ASIC2: variants seen among roughly 807,000 people sequenced by gnomAD.
ASIC2 encodes acid-sensing ion channel 2.
In ASIC2, 25 loss-of-function variants were observed where a neutral mutation model predicts 57.3. That is an observed-to-expected ratio of 0.44 (90% CI 0.32 to 0.61). ASIC2 has a LOEUF of 0.61. ASIC2 is among the 20% of genes least tolerant of loss of function. The pLI, the probability that ASIC2 is intolerant of heterozygous loss-of-function variation, is 0.06. For synonymous variants in ASIC2, 319 were observed against 307.5 expected (o/e 1.04, Z -0.39); for missense variants, 641 against 738.1 (o/e 0.87, Z 1.52).
intron 1 of ASIC2, among the ~76,000 whole-genome samples, chr17:34,008,842 C>T (rs1906616458): frequency 6.6e-6 from 1 of 152,198 alleles, no homozygotes; most frequent in African/African-American, 2.4e-5. Context: ...TTGCAGAGAA[C>T]ATGTGCATTT....
chr17:33,711,734 T>C (rs1909043390), intron 1 of ASIC2, among the ~76,000 whole-genome samples: 1 of 152,060 alleles, frequency 6.6e-6, no homozygotes, highest in Non-Finnish European at 1.5e-5. Flanking sequence ...TTATGAGAAC[T>C]CACTCACTGT....
intron 1 of ASIC2, among the ~76,000 whole-genome samples, chr17:33,999,405 T>C (rs985079705): frequency 6.6e-6 from 1 of 152,208 alleles, no homozygotes; most frequent in African/African-American, 2.4e-5. Flanking sequence ...ATTTTGTTAA[T>C]TGATTTCTGA....
chr17:33,018,625 G>A (rs2091820138), intron 7 of ASIC2, among the ~76,000 whole-genome samples: 1 of 152,232 alleles, frequency 6.6e-6, no homozygotes, highest in South Asian at 2.1e-4. Context: ...AGAGCCGAGG[G>A]CTCTGAGGCT....
intron 1 of ASIC2, among the ~76,000 whole-genome samples, chr17:33,114,202 G>A (rs1397701566): frequency 6.6e-6 from 1 of 152,196 alleles, no homozygotes; most frequent in Non-Finnish European, 1.5e-5. Context: ...AGAACAGCTG[G>A]AATTAATGCA....
chr17:33,277,962 C>A (rs922191397), intron 1 of ASIC2, among the ~76,000 whole-genome samples: 4 of 152,128 alleles, frequency 2.6e-5, no homozygotes, highest in African/African-American at 7.2e-5. Flanking sequence ...AAAGAACAAG[C>A]GAATGAGTGA....
At chr17:34,096,331 T>G (rs1910545836) in intron 1 of ASIC2, among the ~76,000 whole-genome samples, 1 of 151,980 alleles carries the variant, frequency 6.6e-6, no homozygotes, top group African/African-American at 2.4e-5. Flanking sequence ...GGTTATAAGG[T>G]GAGAGTTCAG....
intron 1 of ASIC2, among the ~76,000 whole-genome samples, chr17:34,057,524 T>G (rs1480458274): frequency 6.6e-6 from 1 of 152,068 alleles, no homozygotes; most frequent in Non-Finnish European, 1.5e-5. Context: ...GGAGCTTTAG[T>G]AGGAGGACGG....
chr17:33,086,734 A>G (rs2092135211), intron 3 of ASIC2, among the ~76,000 whole-genome samples: 1 of 152,116 alleles, frequency 6.6e-6, no homozygotes, highest in Non-Finnish European at 1.5e-5. Context: ...GAGGCTGCCA[A>G]GAGAATTTAC....
intron 1 of ASIC2, among the ~76,000 whole-genome samples, chr17:34,019,986 A>T (rs1907099982): frequency 6.6e-6 from 1 of 151,748 alleles, no homozygotes; most frequent in Non-Finnish European, 1.5e-5. Context: ...AGCTACAAGG[A>T]CTCTTGAGGC....
chr17:33,973,370 C>T (rs1446036437), intron 1 of ASIC2, among the ~76,000 whole-genome samples: 1 of 152,200 alleles, frequency 6.6e-6, no homozygotes, highest in Non-Finnish European at 1.5e-5. Context: ...CGGAGGCAAG[C>T]TGCCATTGTT....
intron 1 of ASIC2, among the ~76,000 whole-genome samples, chr17:33,789,505 T>C (rs1383937327): frequency 8.6e-6 from 1 of 116,906 alleles, no homozygotes; most frequent in South Asian, 3.0e-4. Flanking sequence ...CACACACACG[T>C]GCAGCATTTC....
chr17:33,973,995 C>A (rs80321262), intron 1 of ASIC2, among the ~76,000 whole-genome samples: 4 of 152,290 alleles, frequency 2.6e-5, no homozygotes, highest in Non-Finnish European at 5.9e-5. Context: ...GATTTTCCAC[C>A]TTCTACTCTG....
In ASIC2 at chr17:33,233,557, CAT is replaced by C. The variant is rs1200778702; in HGVS notation, c.708+57849_708+57850del. On this transcript the variant is annotated intron_variant, in intron 1 of 9. Transcript: ENST00000225823. ...ACACACACACACACACACACACACA[CAT>C]GGCATAAGCAGCCATTCAGGTATTC... 4.9e-4 allele frequency among the ~76,000 whole-genome samples: 68 copies of C among 139,242 alleles called. No individual in the cohort carries two copies. In the East Asian group the frequency reaches 7.9e-3, roughly 16 times the overall value. 91.3% of individuals were successfully genotyped at this position (139,242 alleles called of 152,430 possible). A position where few individuals can be genotyped will look rare whatever the true frequency, so the allele number is the denominator to read the frequency against.
At chr17:33,891,405 A>ATT (rs780558115) in intron 1 of ASIC2, among the ~76,000 whole-genome samples, 1 of 152,136 alleles carries the variant, frequency 6.6e-6, no homozygotes, top group Non-Finnish European at 1.5e-5. Context: ...CTTTTACTAA[A>ATT]TTATACTTGG....
intron 1 of ASIC2, chr17:34,070,184 C>T (rs1277857999): frequency 2.0e-5 from 3 of 152,078 alleles, no homozygotes; most frequent in Non-Finnish European, 4.4e-5. Flanking sequence ...CTAAGTTAAG[C>T]TGGTGCACGA....
intron 1 of ASIC2, among the ~76,000 whole-genome samples, chr17:33,719,298 T>A (rs1417034749): frequency 6.6e-6 from 1 of 151,688 alleles, no homozygotes; most frequent in Non-Finnish European, 1.5e-5. Context: ...TGACCAGGAG[T>A]GCAAGGGAGA....
intron 1 of ASIC2, among the ~76,000 whole-genome samples, chr17:33,720,624 TA>T (rs1286040883): frequency 6.6e-6 from 1 of 152,076 alleles, no homozygotes; most frequent in Non-Finnish European, 1.5e-5. Context: ...TAAAGAAACA[TA>T]AATGAATGGA....
chr17:33,246,236 A>AGGGAGAG (rs1207867850), intron 1 of ASIC2, among the ~76,000 whole-genome samples: 2 of 151,282 alleles, frequency 1.3e-5, no homozygotes, highest in Non-Finnish European at 2.9e-5. Flanking sequence ...GGTGGGGGGA[A>AGGGAGAG]GGGAGAGGGA....
At chr17:33,742,696 G>A (rs1910146893) in intron 1 of ASIC2, among the ~76,000 whole-genome samples, 1 of 152,206 alleles carries the variant, frequency 6.6e-6, no homozygotes, top group African/African-American at 2.4e-5. Flanking sequence ...GCGTGGCCCA[G>A]AACATAGCTC....
Sources: allele counts gnomAD v4.1 joint callset (sites outside exome capture counted in the v4.1 genomes callset), GRCh38; gene constraint gnomAD v4.1.1; transcripts MANE v1.5; gene names NCBI Gene and HGNC (gene_info 2026-07-23, HGNC 2026-07-21).